The following SMC5 variants were observed in gnomAD, a reference collection of about 807,000 sequenced individuals.
SMC5 encodes the protein structural maintenance of chromosomes protein 5.
Under a neutral mutation model 148.3 loss-of-function variants are expected in SMC5, and 88 were observed. The ratio of observed to expected loss-of-function variants is 0.59; its 90% CI spans 0.50 to 0.71. The LOEUF (loss-of-function observed/expected upper bound fraction) is 0.71, where lower values mean the gene tolerates loss of function less well. Ranked by LOEUF, SMC5 falls within the 30% of genes least tolerant of loss-of-function variation. SMC5 has a pLI of 0.00. For missense variants in SMC5, 1,142 were observed against 1,298.9 expected (o/e 0.88, Z 1.86); for synonymous variants, 421 against 432.8 (o/e 0.97, Z 0.34).
At chr9:70,344,451 GT>G in intron 18 of SMC5, 182 bp downstream of exon 18, 1 of 254,904 alleles carries the variant, frequency 3.9e-6, no homozygotes, top group African/African-American at 2.3e-5. Flanking sequence ...GAGATCAATG[GT>G]ATTGGTACTA....
At chr9:70,278,368 T>C in intron 4 of SMC5, 123 bp from the exon 5 acceptor site, 1 of 865,694 alleles carries the variant, frequency 1.2e-6, no homozygotes, top group East Asian at 2.8e-5. Flanking sequence ...GCACAAAAGG[T>C]TTATATCTCA....
chr9:70,308,873 T>C lies in SMC5; in HGVS notation c.1578+3513T>C, dbSNP rs530822347. Among the ~76,000 whole-genome samples, 5 of 152,288 alleles carry C rather than the reference T, an allele frequency of 3.3e-5. No individual in the cohort carries two copies. In the South Asian group the frequency reaches 8.3e-4, roughly 25 times the overall value. On this transcript the variant is annotated intron_variant, in intron 11 of 24. Transcript: ENST00000361138. ...ATTGACCTTATATCCTGTGACACTA[T>C]TGAATTTACATTGAATTCTAGTACA... is the stretch of plus-strand genomic sequence containing the variant.
At chr9:70,347,754 T>C in intron 21 of SMC5, 37 bp downstream of exon 21, 1 of 1,352,018 alleles carries the variant, frequency 7.4e-7, no homozygotes, top group Non-Finnish European at 1.0e-6. Context: ...ATCATGTGAT[T>C]ATTAATGAAA....
At chr9:70,287,936 T>C (rs1303649264) in intron 8 of SMC5, among the ~76,000 whole-genome samples, 1 of 152,204 alleles carries the variant, frequency 6.6e-6, no homozygotes, top group Non-Finnish European at 1.5e-5. Flanking sequence ...ACTGCTAAAT[T>C]TGTTACTTGT....
chr9:70,337,210 A>G (rs1375808608), intron 17 of SMC5, among the ~76,000 whole-genome samples: 1 of 152,150 alleles, frequency 6.6e-6, no homozygotes, highest in Non-Finnish European at 1.5e-5. Flanking sequence ...CTGAAGTTTT[A>G]CTTTTACATC....
intron 7 of SMC5, among the ~76,000 whole-genome samples, chr9:70,285,308 C>T (rs2034865183): frequency 6.6e-6 from 1 of 152,096 alleles, no homozygotes; most frequent in African/African-American, 2.4e-5. Flanking sequence ...TTCCAAGGGT[C>T]CTCCCCCAGA....
intron 7 of SMC5, among the ~76,000 whole-genome samples, chr9:70,282,872 GTGAATATATTA>G (rs1165498808): frequency 6.6e-6 from 1 of 152,056 alleles, no homozygotes; most frequent in Non-Finnish European, 1.5e-5. Context: ...AGCTCTTTTT[GTGAATATATTA>G]TACATCTGCT....
At chr9:70,280,649 G>T (rs2034722808) in intron 5 of SMC5, 110 bp from the exon 6 acceptor site, 1 of 1,006,132 alleles carries the variant, frequency 9.9e-7, no homozygotes. Flanking sequence ...AAGAACTCCT[G>T]TGAATTCTTT....
intron 17 of SMC5, among the ~76,000 whole-genome samples, chr9:70,339,575 G>A (rs2036462377): frequency 6.6e-6 from 1 of 152,038 alleles, no homozygotes; most frequent in South Asian, 2.1e-4. Flanking sequence ...TATCTCATCT[G>A]TTCCTGCTAT....
At chr9:70,322,538 A>C (rs950764560) in intron 15 of SMC5, among the ~76,000 whole-genome samples, 3 of 152,172 alleles carry the variant, frequency 2.0e-5, no homozygotes, top group Non-Finnish European at 4.4e-5. Context: ...ACCCCATTCA[A>C]GAATATTCAT....
intron 3 of SMC5, among the ~76,000 whole-genome samples, chr9:70,269,929 T>C (rs976495721): frequency 5.3e-5 from 8 of 152,206 alleles, no homozygotes; most frequent in Non-Finnish European, 1.2e-4. Flanking sequence ...TTTTAAGAGA[T>C]AGGAAAAACC....
intron 10 of SMC5, among the ~76,000 whole-genome samples, chr9:70,301,438 C>T (rs1490432673): frequency 6.6e-6 from 1 of 152,146 alleles, no homozygotes; most frequent in Non-Finnish European, 1.5e-5. Flanking sequence ...CCTTTCCTGC[C>T]ACCTTCCTAC....
At chr9:70,330,628 C>T (rs771262056) in intron 17 of SMC5, among the ~76,000 whole-genome samples, 4 of 151,158 alleles carry the variant, frequency 2.6e-5, no homozygotes, top group African/African-American at 4.9e-5. Flanking sequence ...CTGCAACCTC[C>T]GCCTTCTGGG....
chr9:70,301,041 A>C (rs1428980583), intron 10 of SMC5, among the ~76,000 whole-genome samples: 1 of 152,158 alleles, frequency 6.6e-6, no homozygotes, highest in African/African-American at 2.4e-5. Context: ...ATCTTAAATT[A>C]GCAAAGTTAA....
intron 10 of SMC5, among the ~76,000 whole-genome samples, chr9:70,301,447 A>T (rs1227350493): frequency 6.6e-6 from 1 of 152,174 alleles, no homozygotes; most frequent in Admixed American, 6.5e-5. Flanking sequence ...CCACCTTCCT[A>T]CATTCACATC....
intron 24 of SMC5, among the ~76,000 whole-genome samples, chr9:70,351,517 CT>C (rs1194880031): frequency 1.3e-5 from 2 of 152,142 alleles, no homozygotes; most frequent in African/African-American, 4.8e-5. Flanking sequence ...CTGTTACACA[CT>C]TTTCAGGATA....
At chr9:70,321,156 G>A (rs1317496473) in intron 15 of SMC5, among the ~76,000 whole-genome samples, 1 of 152,102 alleles carries the variant, frequency 6.6e-6, no homozygotes, top group East Asian at 1.9e-4. Context: ...TAGGAGAGGA[G>A]AGGGGAAGGC....
At chr9:70,277,701 T>G (rs2034629662) in intron 4 of SMC5, among the ~76,000 whole-genome samples, 3 of 152,124 alleles carry the variant, frequency 2.0e-5, no homozygotes, top group Admixed American at 2.0e-4. Context: ...AAATAAAGTA[T>G]TATTTTTGAA....
At chr9:70,327,534 A>G (rs1173636759) in intron 17 of SMC5, among the ~76,000 whole-genome samples, 1 of 152,218 alleles carries the variant, frequency 6.6e-6, no homozygotes, top group Non-Finnish European at 1.5e-5. Flanking sequence ...ATAAAATAAT[A>G]TTGGTCGCTT....
Sources: gnomAD v4.1 joint callset for allele counts (sites outside exome capture counted in the v4.1 genomes callset) on GRCh38, gnomAD v4.1.1 for gene constraint, MANE v1.5 for transcripts, NCBI Gene and HGNC (gene_info 2026-07-23, HGNC 2026-07-21) for gene names.